Variants in PDE11A observed in about 807,000 individuals in gnomAD.
The protein encoded by PDE11A is phosphodiesterase 11A, also known as dual 3',5'-cyclic-AMP and -GMP phosphodiesterase 11A.
PDE11A carries 100 observed loss-of-function variants against 100.5 expected under a neutral mutation model. That is an observed-to-expected ratio of 1.00 (90% CI 0.85 to 1.18). The LOEUF (loss-of-function observed/expected upper bound fraction) is 1.18. PDE11A is among the 50% of genes most tolerant of loss of function. The pLI is 0.00. For missense variants in PDE11A, 1,141 were observed against 1,152.6 expected (o/e 0.99, Z 0.15); for synonymous variants, 381 against 420.8 (o/e 0.91, Z 1.16).
intron 1 of PDE11A, among the ~76,000 whole-genome samples, chr2:178,066,773 T>C (rs1356814986): frequency 1.3e-5 from 2 of 152,176 alleles, no homozygotes; most frequent in African/African-American, 4.8e-5. Flanking sequence ...AGGCAGGCAA[T>C]TCAGCGGGGG....
In PDE11A at chr2:177,824,757, A is replaced by T. The variant is rs9646795; in HGVS notation, c.1501-4462T>A. On this transcript the variant is annotated intron_variant, in intron 6 of 19. Transcript: ENST00000286063. ...GTTAAGTAAATCATAGCACATTCAC[A>T]TAACAGAATATTATGCATCTAATTA... Among the ~76,000 whole-genome samples the T allele has an allele frequency of 8.9e-3, 1,352 of 152,326 alleles. 13 individuals carry two copies. Among genetic ancestry groups the T allele is most frequent in the East Asian group, 0.059 (305 of 5,186 alleles).
At chr2:178,077,260 C>CTTTTTTT (rs57259393), upstream of PDE11A, among the ~76,000 whole-genome samples, 23 of 98,650 alleles carry the variant, frequency 2.3e-4, no homozygotes, top group African/African-American at 8.3e-4. Context: ...TTCTTTCTTT[C>CTTTTTTT]TTTTTTTTTT....
At chr2:177,715,458 CT>C (rs1272865938) in intron 12 of PDE11A, among the ~76,000 whole-genome samples, 4 of 146,822 alleles carry the variant, frequency 2.7e-5, no homozygotes, top group African/African-American at 8.2e-5. Flanking sequence ...ATTTACTAAT[CT>C]TTTTTTCTTT....
In PDE11A at chr2:178,039,685, A is replaced by G. The variant is rs151147730; in HGVS notation, c.913-25225T>C. ...AAAAATAAATAAATAAAAATAAAAT[A>G]AAATAAAATAACTAGAAATAACTCA... On this transcript the variant is annotated intron_variant, in intron 1 of 19. Coordinates refer to ENST00000286063, the MANE Select transcript of PDE11A (RefSeq NM_016953.4). Among the ~76,000 whole-genome samples the G allele has an allele frequency of 5.3e-3, 813 of 152,022 alleles. 4 individuals carry two copies. The highest frequency in any genetic ancestry group is 0.019 in the African/African-American group (779 of 41,542).
intron 9 of PDE11A, among the ~76,000 whole-genome samples, chr2:177,804,233 C>T (rs2082833676): frequency 6.6e-6 from 1 of 151,856 alleles, no homozygotes; most frequent in Admixed American, 6.6e-5. Flanking sequence ...CATCCAGAAT[C>T]CATAAGGAAC....
intron 19 of PDE11A, among the ~76,000 whole-genome samples, chr2:177,631,553 GTA>G (rs1326867287): frequency 0.026 from 509 of 19,666 alleles, 55 homozygotes; most frequent in Middle Eastern, 0.14. Context: ...ATATACACAT[GTA>G]TATATATATA....
chr2:177,892,872 G>A (rs1459126650), intron 4 of PDE11A, among the ~76,000 whole-genome samples: 1 of 152,220 alleles, frequency 6.6e-6, no homozygotes, highest in East Asian at 1.9e-4. Context: ...GTTAATGTCT[G>A]CCAGGAAATG....
At chr2:177,868,361 C>A (rs369543775) in intron 5 of PDE11A, among the ~76,000 whole-genome samples, 1 of 152,028 alleles carries the variant, frequency 6.6e-6, no homozygotes. Context: ...AAAAACAAAG[C>A]GGCTCTAGGG....
intron 11 of PDE11A, 75 bp downstream of exon 11, chr2:177,727,951 G>A: frequency 7.5e-7 from 1 of 1,325,350 alleles, no homozygotes; most frequent in African/African-American, 1.4e-5. Context: ...TTTGTATTTG[G>A]GAAACCAGTG....
intron 2 of PDE11A, among the ~76,000 whole-genome samples, chr2:178,098,826 G>A (rs995948410): frequency 6.6e-6 from 1 of 152,036 alleles, no homozygotes; most frequent in African/African-American, 2.4e-5. Flanking sequence ...TGTTCCTACT[G>A]CATCCACTAA....
intron 9 of PDE11A, among the ~76,000 whole-genome samples, chr2:177,773,113 C>T (rs1001666217): frequency 6.6e-6 from 1 of 152,078 alleles, no homozygotes; most frequent in Non-Finnish European, 1.5e-5. Context: ...CTTGACCTCC[C>T]TGGCTCAAGT....
At chr2:177,789,181 T>C (rs1467062295) in intron 9 of PDE11A, among the ~76,000 whole-genome samples, 1 of 152,120 alleles carries the variant, frequency 6.6e-6, no homozygotes, top group Non-Finnish European at 1.5e-5. Context: ...ATCAAAAAGC[T>C]TATGCACCAT....
intron 1 of PDE11A, among the ~76,000 whole-genome samples, chr2:178,035,855 G>A (rs2086607142): frequency 6.6e-6 from 1 of 152,086 alleles, no homozygotes; most frequent in South Asian, 2.1e-4. Flanking sequence ...CAGTAAACTA[G>A]GTATTGATGG....
intron 17 of PDE11A, among the ~76,000 whole-genome samples, chr2:177,673,314 G>A (rs1462473552): frequency 6.6e-6 from 1 of 152,166 alleles, no homozygotes; most frequent in Non-Finnish European, 1.5e-5. Context: ...AAGCTAAGAA[G>A]GGTGATGGGA....
chr2:177,665,786 G>A (rs896819415), intron 18 of PDE11A, among the ~76,000 whole-genome samples: 4 of 151,368 alleles, frequency 2.6e-5, no homozygotes, highest in Non-Finnish European at 5.9e-5. Flanking sequence ...GAACCTGGGA[G>A]GCAGAGGTTG....
intron 2 of PDE11A, among the ~76,000 whole-genome samples, chr2:177,947,793 TAA>T (rs71010840): frequency 3.7e-5 from 1 of 26,792 alleles, no homozygotes; most frequent in Non-Finnish European, 9.2e-5. Flanking sequence ...AATAAAAAAA[TAA>T]AAAAAAAATA....
At chr2:177,755,338 C>A (rs906167789) in intron 10 of PDE11A, among the ~76,000 whole-genome samples, 6 of 152,160 alleles carry the variant, frequency 3.9e-5, no homozygotes, top group African/African-American at 1.4e-4. Flanking sequence ...CTTGTGGAAC[C>A]ACTTCAGCAG....
chr2:177,844,079 CAGAT>C (rs1478821053), intron 5 of PDE11A, among the ~76,000 whole-genome samples: 1 of 152,070 alleles, frequency 6.6e-6, no homozygotes, highest in Non-Finnish European at 1.5e-5. Context: ...CTCAGAGAGA[CAGAT>C]AGGAAAGTTG....
At chr2:177,631,297 A>ACC (rs1553528945) in intron 19 of PDE11A, among the ~76,000 whole-genome samples, 3 of 14,238 alleles carry the variant, frequency 2.1e-4, no homozygotes, top group Non-Finnish European at 7.6e-4. Context: ...AATGCAAAAA[A>ACC]AAAAAAAAAA....
Sources: allele counts gnomAD v4.1 joint callset (sites outside exome capture counted in the v4.1 genomes callset), GRCh38; gene constraint gnomAD v4.1.1; transcripts MANE v1.5; gene names NCBI Gene and HGNC (gene_info 2026-07-23, HGNC 2026-07-21).